The following DRAM1 variants were observed in gnomAD, a reference collection of about 807,000 sequenced individuals.
The protein encoded by DRAM1 is DNA damage-regulated autophagy modulator protein 1.
In DRAM1, 25 loss-of-function variants were observed where a neutral mutation model predicts 28.5. That is an observed-to-expected ratio of 0.88 (90% CI 0.64 to 1.23). The LOEUF (loss-of-function observed/expected upper bound fraction) is 1.23. DRAM1 is among the 50% of genes most tolerant of loss of function. The pLI is 0.00. For synonymous variants in DRAM1, 113 were observed against 114.2 expected (o/e 0.99, Z 0.07); for missense variants, 249 against 299.2 (o/e 0.83, Z 1.24).
At chr12:101,912,613 T>C (rs1463017520) in intron 4 of DRAM1, among the ~76,000 whole-genome samples, 1 of 152,214 alleles carries the variant, frequency 6.6e-6, no homozygotes, top group African/African-American at 2.4e-5. Flanking sequence ...TGCTCTCTAC[T>C]TCTTTTATTT....
chr12:101,918,483 G>A (rs1210933982), intron 5 of DRAM1, among the ~76,000 whole-genome samples: 4 of 152,162 alleles, frequency 2.6e-5, no homozygotes, highest in African/African-American at 4.8e-5. Flanking sequence ...GGTCCTCCTC[G>A]GTGTGACCTA....
intron 6 of DRAM1, 80 bp from the exon 7 acceptor site, chr12:101,921,136 C>A (rs1237217276): frequency 6.0e-6 from 6 of 992,158 alleles, no homozygotes; most frequent in Admixed American, 1.7e-5. Flanking sequence ...TTAGGTGGTG[C>A]AGAGCTGTTG....
intron 2 of DRAM1, among the ~76,000 whole-genome samples, chr12:101,900,002 A>G (rs931989636): frequency 1.6e-4 from 24 of 152,224 alleles, no homozygotes; most frequent in African/African-American, 5.3e-4. Flanking sequence ...ATCTAAAATT[A>G]TGGTAGCTAT....
chr12:101,910,777 C>A (rs1371915058), intron 4 of DRAM1, among the ~76,000 whole-genome samples: 2 of 151,866 alleles, frequency 1.3e-5, no homozygotes, highest in Admixed American at 1.3e-4. Context: ...CTGTGCCTGG[C>A]CTCTAGGAAG....
intron 6 of DRAM1, 89 bp downstream of exon 6, chr12:101,920,290 G>C (rs1033462384): frequency 2.6e-5 from 9 of 344,680 alleles, no homozygotes; most frequent in Non-Finnish European, 2.1e-5. Flanking sequence ...TTTAAAAAGA[G>C]CACTTTCTTT....
chr12:101,902,631 C>T (rs929355093), intron 3 of DRAM1, among the ~76,000 whole-genome samples: 2 of 152,128 alleles, frequency 1.3e-5, no homozygotes, highest in African/African-American at 4.8e-5. Flanking sequence ...GTTTTTAAAC[C>T]ATTTAAGGGC....
chr12:101,908,997 C>T (rs917366574), intron 4 of DRAM1, among the ~76,000 whole-genome samples: 1 of 125,272 alleles, frequency 8.0e-6, no homozygotes, highest in Non-Finnish European at 1.7e-5. Context: ...CGTAGTGGCT[C>T]ACGCCTGTAA....
intron 2 of DRAM1, among the ~76,000 whole-genome samples, chr12:101,899,425 G>A (rs1180873180): frequency 6.6e-6 from 1 of 152,156 alleles, no homozygotes; most frequent in Non-Finnish European, 1.5e-5. Flanking sequence ...GGAGGCTGAA[G>A]CAGGAGGATC....
chr12:101,903,344 T>C (rs1202744583), intron 3 of DRAM1, among the ~76,000 whole-genome samples: 1 of 152,232 alleles, frequency 6.6e-6, no homozygotes, highest in Non-Finnish European at 1.5e-5. Context: ...TTATTTTCCC[T>C]CAGAAAGTTT....
chr12:101,907,198 T>TTAAAA (rs200353634), intron 3 of DRAM1, among the ~76,000 whole-genome samples: 5 of 49,356 alleles, frequency 1.0e-4, no homozygotes, highest in Admixed American at 3.9e-4. Context: ...AGACCCTGTC[T>TTAAAA]CAAAAAAAAA....
intron 3 of DRAM1, among the ~76,000 whole-genome samples, chr12:101,903,931 A>ACG (rs1339257413): frequency 1.2e-4 from 14 of 118,478 alleles, no homozygotes; most frequent in Non-Finnish European, 1.6e-4. Flanking sequence ...ACACATACAC[A>ACG]CACACACACA....
intron 1 of DRAM1, among the ~76,000 whole-genome samples, chr12:101,893,771 A>ATTT (rs57069274): frequency 2.2e-3 from 313 of 142,486 alleles, no homozygotes; most frequent in African/African-American, 7.6e-3. Context: ...GATTAGGTCA[A>ATTT]TTTTTTTTTT....
intron 1 of DRAM1, among the ~76,000 whole-genome samples, chr12:101,888,430 C>T (rs890534416): frequency 1.3e-5 from 2 of 152,076 alleles, no homozygotes; most frequent in Middle Eastern, 3.4e-3. Flanking sequence ...TGTGCCTGGC[C>T]GAAAAGTATT....
chr12:101,882,993 T>G (rs775791994), intron 1 of DRAM1, among the ~76,000 whole-genome samples: 18 of 151,106 alleles, frequency 1.2e-4, no homozygotes, highest in Non-Finnish European at 2.1e-4. Context: ...TAAATATGGT[T>G]TATTTATTAA....
chr12:101,895,325 G>A (rs1357221151), intron 1 of DRAM1, among the ~76,000 whole-genome samples: 1 of 148,874 alleles, frequency 6.7e-6, no homozygotes, highest in African/African-American at 2.5e-5. Context: ...TTACAGGCAC[G>A]CTGTACCATG....
At chr12:101,904,401 T>TTG (rs1873717382) in intron 3 of DRAM1, among the ~76,000 whole-genome samples, 1 of 147,900 alleles carries the variant, frequency 6.8e-6, no homozygotes, top group Non-Finnish European at 1.5e-5. Context: ...TTTTTTTTTT[T>TTG]GAAGCTGAGT....
intron 1 of DRAM1, chr12:101,889,952 A>G: frequency 2.7e-6 from 1 of 371,238 alleles, no homozygotes; most frequent in East Asian, 8.0e-5. Context: ...AAAAAAAAAA[A>G]AAAAAAAAAA....
intron 3 of DRAM1, among the ~76,000 whole-genome samples, chr12:101,904,127 A>G (rs1873706433): frequency 6.6e-6 from 1 of 152,016 alleles, no homozygotes; most frequent in South Asian, 2.1e-4. Flanking sequence ...AGATGGTATT[A>G]CAGGCACCTG....
intron 3 of DRAM1, among the ~76,000 whole-genome samples, chr12:101,903,748 A>C (rs573104291): frequency 6.6e-6 from 1 of 152,146 alleles, no homozygotes; most frequent in Non-Finnish European, 1.5e-5. Context: ...TGATTTAATC[A>C]TTCCACAGTG....
Sources: allele counts gnomAD v4.1 joint callset (sites outside exome capture counted in the v4.1 genomes callset), GRCh38; gene constraint gnomAD v4.1.1; transcripts MANE v1.5; gene names NCBI Gene and HGNC (gene_info 2026-07-23, HGNC 2026-07-21).